CDIN1: variants seen among roughly 807,000 people sequenced by gnomAD.
CDIN1 encodes the protein CDAN1-interacting nuclease 1.
A neutral mutation model predicts 45.3 loss-of-function variants in CDIN1; 33 were observed. The observed-to-expected ratio is 0.73, with a 90% CI of 0.55 to 0.97. CDIN1 has a LOEUF of 0.97. CDIN1 is among the 50% of genes least tolerant of loss of function. The pLI, the probability that CDIN1 is intolerant of heterozygous loss-of-function variation, is 0.00. For missense variants in CDIN1, 303 were observed against 339.4 expected (o/e 0.89, Z 0.84); for synonymous variants, 118 against 124.4 (o/e 0.95, Z 0.34).
At chr15:36,651,973 T>C (rs149949003) in intron 3 of CDIN1, among the ~76,000 whole-genome samples, 280 of 152,332 alleles carry the variant, frequency 1.8e-3, no homozygotes, top group African/African-American at 6.1e-3. Flanking sequence ...CATGAAGCCA[T>C]GTCATTTTGA....
At chr15:36,802,315 A>G (rs1026140317) in intron 10 of CDIN1, among the ~76,000 whole-genome samples, 52 of 152,224 alleles carry the variant, frequency 3.4e-4, no homozygotes, top group African/African-American at 1.1e-3. Context: ...GTTGTTGATT[A>G]TTGAGATCTT....
At chr15:36,607,326 TAAAACATGAAGA>T (rs2038423600) in intron 1 of CDIN1, among the ~76,000 whole-genome samples, 2 of 152,078 alleles carry the variant, frequency 1.3e-5, no homozygotes, top group African/African-American at 4.8e-5. Context: ...GTCAGGAAAA[TAAAACATGAAGA>T]ACATTGATGA....
intron 10 of CDIN1, among the ~76,000 whole-genome samples, chr15:36,781,811 A>G (rs2054360393): frequency 1.3e-5 from 2 of 152,192 alleles, no homozygotes; most frequent in Non-Finnish European, 1.5e-5. Flanking sequence ...TCACTTCTTC[A>G]TTCATTCACA....
At chr15:36,580,143 C>G (rs2036975284) in intron 1 of CDIN1, among the ~76,000 whole-genome samples, 182 bp downstream of exon 1, 1 of 152,228 alleles carries the variant, frequency 6.6e-6, no homozygotes, top group Non-Finnish European at 1.5e-5. Context: ...ACACAAAACT[C>G]TTAACGGTGA....
chr15:36,769,304 G>T (rs527523006), intron 10 of CDIN1, among the ~76,000 whole-genome samples: 1 of 152,096 alleles, frequency 6.6e-6, no homozygotes, highest in Non-Finnish European at 1.5e-5. Context: ...AGGATAGGCC[G>T]GCAGACTGGA....
intron 5 of CDIN1, among the ~76,000 whole-genome samples, chr15:36,686,845 G>A (rs1008221217): frequency 3.0e-5 from 4 of 133,020 alleles, no homozygotes; most frequent in Admixed American, 2.2e-4. Flanking sequence ...AGGGAGAGAG[G>A]GAGGGAGGGA....
At chr15:36,698,055 A>G (rs2042500179) in intron 8 of CDIN1, among the ~76,000 whole-genome samples, 1 of 152,206 alleles carries the variant, frequency 6.6e-6, no homozygotes, top group African/African-American at 2.4e-5. Flanking sequence ...TAAAGGTTTC[A>G]TACAAGTCAT....
At chr15:36,764,780 A>G (rs2053867710) in intron 10 of CDIN1, among the ~76,000 whole-genome samples, 1 of 152,286 alleles carries the variant, frequency 6.6e-6, no homozygotes, top group Non-Finnish European at 1.5e-5. Flanking sequence ...CATGGGGCTC[A>G]TTTCTGGCCA....
At chr15:36,706,565 A>T (rs918654245) in intron 8 of CDIN1, 1 of 152,038 alleles carries the variant, frequency 6.6e-6, no homozygotes, top group East Asian at 1.9e-4. Context: ...GTGAGACGAG[A>T]TCGCGCCACT....
chr15:36,607,167 A>G (rs2038417347), intron 1 of CDIN1, among the ~76,000 whole-genome samples: 1 of 152,180 alleles, frequency 6.6e-6, no homozygotes, highest in South Asian at 2.1e-4. Context: ...ATGAAAATGA[A>G]CTGGAAAGAT....
Position 36,707,748 on chromosome 15 carries a change from T to A in CDIN1, c.545-1475T>A, listed in dbSNP as rs142980539. The stretch of plus-strand genomic sequence containing the variant: ...AACTGTTCATCAGCTACCGGAAACA[T>A]CAGCTTAAGGCACTGGAGTTGATTT... On this transcript the variant is annotated intron_variant, in intron 8 of 10. Coordinates refer to ENST00000566621, the MANE Select transcript of CDIN1 (RefSeq NM_001321759.2). The A allele has an allele frequency of 2.6e-4, 39 of 152,334 alleles. No homozygotes were observed. In the East Asian group the frequency reaches 6.2e-3, roughly 24 times the overall value. The allele number at this position is 152,334 out of a possible 1,614,324, so 9.4% of individuals were successfully genotyped here. A position where few individuals can be genotyped will look rare whatever the true frequency, so the allele number is the denominator to read the frequency against.
At chr15:36,680,745 A>T (rs933882495) in intron 5 of CDIN1, among the ~76,000 whole-genome samples, 4 of 152,182 alleles carry the variant, frequency 2.6e-5, no homozygotes, top group African/African-American at 7.2e-5. Context: ...AATGGCAAGG[A>T]AGCTTGCTTG....
intron 5 of CDIN1, among the ~76,000 whole-genome samples, chr15:36,661,724 C>G (rs1305748045): frequency 6.6e-6 from 1 of 152,074 alleles, no homozygotes; most frequent in Non-Finnish European, 1.5e-5. Context: ...TATTAACTTT[C>G]AAATGTTAAA....
At chr15:36,634,321 T>G (rs2039806336) in intron 1 of CDIN1, among the ~76,000 whole-genome samples, 1 of 96,512 alleles carries the variant, frequency 1.0e-5, no homozygotes, top group South Asian at 2.8e-4. Flanking sequence ...CCCCAGCTAT[T>G]TGGGAGGCAG....
intron 1 of CDIN1, among the ~76,000 whole-genome samples, chr15:36,639,406 A>T (rs1595403789): frequency 6.6e-6 from 1 of 152,196 alleles, no homozygotes. Flanking sequence ...GGAATTCAAG[A>T]CCAGCCTGGC....
intron 1 of CDIN1, chr15:36,619,325 G>A (rs926264987): frequency 1.5e-6 from 1 of 659,802 alleles, no homozygotes; most frequent in African/African-American, 1.9e-5. Flanking sequence ...TTGAGCTGTA[G>A]CTATATTGAA....
intron 10 of CDIN1, among the ~76,000 whole-genome samples, chr15:36,783,261 A>T (rs1175554962): frequency 6.6e-6 from 1 of 152,236 alleles, no homozygotes; most frequent in African/African-American, 2.4e-5. Context: ...AAAGATGATT[A>T]AGGCGGTCCC....
intron 5 of CDIN1, among the ~76,000 whole-genome samples, chr15:36,684,974 T>A (rs1204461029): frequency 2.6e-5 from 4 of 152,242 alleles, no homozygotes; most frequent in East Asian, 1.9e-4. Context: ...CTCTCTTTTT[T>A]TCTTTATTAG....
intron 10 of CDIN1, among the ~76,000 whole-genome samples, chr15:36,725,897 A>G (rs2043605829): frequency 6.6e-6 from 1 of 152,174 alleles, no homozygotes; most frequent in African/African-American, 2.4e-5. Flanking sequence ...ATTCAGGAAG[A>G]TTTTCATGCT....
Sources: allele counts gnomAD v4.1 joint callset (sites outside exome capture counted in the v4.1 genomes callset), GRCh38; gene constraint gnomAD v4.1.1; transcripts MANE v1.5; gene names NCBI Gene and HGNC (gene_info 2026-07-23, HGNC 2026-07-21).